Variants in CALD1 observed in about 807,000 individuals in gnomAD.
CALD1 encodes caldesmon 1.
A neutral mutation model predicts 99.9 loss-of-function variants in CALD1; 33 were observed. That is an observed-to-expected ratio of 0.33 (90% CI 0.25 to 0.44). The LOEUF (loss-of-function observed/expected upper bound fraction) is 0.44. Ranked by LOEUF, CALD1 falls within the 20% of genes least tolerant of loss-of-function variation. The pLI is 1.00. For synonymous variants in CALD1, 310 were observed against 325.0 expected, an observed-to-expected ratio of 0.95 and a Z score of 0.50; for missense variants, 861 against 962.1, an observed-to-expected ratio of 0.89 and a Z score of 1.39.
intron 2 of CALD1, among the ~76,000 whole-genome samples, chr7:134,855,185 C>A (rs1032333941): frequency 6.6e-6 from 1 of 152,200 alleles, no homozygotes; most frequent in Non-Finnish European, 1.5e-5. Context: ...GACTAATGCA[C>A]AGTGCAAGGA....
At chr7:134,744,359 T>C (rs1796616403) in exon 1 of CALD1, 1 of 152,062 alleles carries the variant, frequency 6.6e-6, no homozygotes, top group Non-Finnish European at 1.5e-5. Context: ...CAGCTTGAAA[T>C]GCAGGTTGGT....
chr7:134,887,911 G>A (rs757806621), intron 3 of CALD1, among the ~76,000 whole-genome samples: 18 of 152,074 alleles, frequency 1.2e-4, no homozygotes, highest in African/African-American at 1.7e-4. Context: ...TGTCATAAGC[G>A]CATTAGGGCA....
chr7:134,770,326 C>T (rs1796866782), intron 1 of CALD1, among the ~76,000 whole-genome samples: 1 of 152,156 alleles, frequency 6.6e-6, no homozygotes, highest in Admixed American at 6.5e-5. Context: ...GCTGCTATTA[C>T]AAATTACCAC....
intron 2 of CALD1, among the ~76,000 whole-genome samples, chr7:134,844,940 G>A (rs2132173358): frequency 6.6e-6 from 1 of 152,288 alleles, no homozygotes; most frequent in Middle Eastern, 3.4e-3. Context: ...ATCTCCAAAT[G>A]CGGTTACATT....
chr7:134,840,340 G>A (rs1454998596), intron 1 of CALD1, among the ~76,000 whole-genome samples: 1 of 152,140 alleles, frequency 6.6e-6, no homozygotes, highest in African/African-American at 2.4e-5. Flanking sequence ...TGATAGAGTT[G>A]GGAAAGTTCT....
At chr7:134,721,694 C>T in the CALD1 span, among the ~76,000 whole-genome samples, 1 of 152,030 alleles carries the variant, frequency 6.6e-6, no homozygotes, top group Admixed American at 6.6e-5. Context: ...CCAGTTATTC[C>T]ACCCTTCTTG....
chr7:134,764,888 G>A (rs2131607354), intron 1 of CALD1, among the ~76,000 whole-genome samples: 1 of 152,308 alleles, frequency 6.6e-6, no homozygotes, highest in East Asian at 1.9e-4. Flanking sequence ...AGAAGTTTGT[G>A]CAGGGAATTG....
At chr7:134,791,040 C>T (rs1388022924) in intron 1 of CALD1, among the ~76,000 whole-genome samples, 1 of 109,490 alleles carries the variant, frequency 9.1e-6, no homozygotes, top group East Asian at 4.1e-4. Flanking sequence ...TTAGTGTCCA[C>T]TCACCTTCCC....
chr7:134,917,816 A>G (rs999134063), intron 3 of CALD1, among the ~76,000 whole-genome samples: 2 of 152,108 alleles, frequency 1.3e-5, no homozygotes, highest in Admixed American at 1.3e-4. Flanking sequence ...GAGAGGAAGG[A>G]GTTTGGTTAT....
chr7:134,892,763 G>T (rs1391726143), intron 3 of CALD1, among the ~76,000 whole-genome samples: 1 of 152,202 alleles, frequency 6.6e-6, no homozygotes, highest in Non-Finnish European at 1.5e-5. Flanking sequence ...GAACGCTATT[G>T]TATAAAGGAG....
rs565339211 is a variant in CALD1 at position 134,896,166 on chromosome 7, G to C, written c.71+28362G>C. Among the ~76,000 whole-genome samples the C allele has an allele frequency of 4.6e-5, 7 of 152,302 alleles. No individual in the cohort carries two copies. The South Asian group carries it at 1.2e-3, about 27-fold the overall frequency. ...AACAACACAGCAGTAGGGGCCGCCT[G>C]CATCAGGAATAAGAACTCCTGCCCC... is the stretch of plus-strand genomic sequence containing the variant. On this transcript the variant is annotated intron_variant, in intron 3 of 14. Transcript: ENST00000361675.
intron 13 of CALD1, chr7:134,961,391 C>A (rs1808251241): frequency 6.6e-6 from 1 of 152,090 alleles, no homozygotes; most frequent in African/African-American, 2.4e-5. Context: ...TTTGTTGGTG[C>A]CCAAGGGAGC....
At chr7:134,953,673 T>G (rs1807547721) in intron 9 of CALD1, among the ~76,000 whole-genome samples, 1 of 149,318 alleles carries the variant, frequency 6.7e-6, no homozygotes, top group African/African-American at 2.4e-5. Flanking sequence ...TTTTTTGTTT[T>G]TTTTTTTCAG....
Position 134,933,072 on chromosome 7 carries a change from T to C in CALD1, c.303T>C (p.Ala101=), listed in dbSNP as rs778056399. 6.2e-7 allele frequency: 1 copy of C among 1,613,870 alleles called. No homozygotes were observed. The highest frequency in any genetic ancestry group is 8.5e-7 in the Non-Finnish European group (1 of 1,179,978). Residue 101 remains alanine (A), a synonymous_variant, in exon 5 of 15, where the codon GCT becomes GCC. Transcript: ENST00000361675. ...AGGCCGCATTCCTGGAGCGCCTGGC[T>C]CGGCGTGAGGAAAGACGCCAAAAAC... ...DDEAAFLERL[A]RREERRQKRL...
chr7:134,929,568 T>C (rs187280133), intron 4 of CALD1, among the ~76,000 whole-genome samples: 7 of 109,282 alleles, frequency 6.4e-5, no homozygotes, highest in African/African-American at 2.7e-4. Flanking sequence ...GTGAATTCCA[T>C]TATTGTGTTC....
the CALD1 span, among the ~76,000 whole-genome samples, chr7:134,716,271 A>G: frequency 6.6e-6 from 1 of 152,234 alleles, no homozygotes; most frequent in Admixed American, 6.5e-5. Flanking sequence ...CCATCTGTTT[A>G]AACAATGCAA....
intron 1 of CALD1, among the ~76,000 whole-genome samples, chr7:134,799,739 AT>A (rs910938434): frequency 6.6e-6 from 1 of 152,202 alleles, no homozygotes; most frequent in African/African-American, 2.4e-5. Flanking sequence ...ACGTGAAAAA[AT>A]GTACCGTTTG....
At chr7:134,967,415 A>G (rs1306025916) in intron 14 of CALD1, among the ~76,000 whole-genome samples, 5 of 152,186 alleles carry the variant, frequency 3.3e-5, no homozygotes, top group Non-Finnish European at 7.3e-5. Context: ...ACACCCTTGA[A>G]AATTGGAATT....
chr7:134,828,551 CG>C (rs1799096800), intron 1 of CALD1, among the ~76,000 whole-genome samples: 1 of 152,142 alleles, frequency 6.6e-6, no homozygotes, highest in Non-Finnish European at 1.5e-5. Context: ...TGCTTAATCT[CG>C]TGGGTTAGAA....
Sources: allele counts gnomAD v4.1 joint callset (sites outside exome capture counted in the v4.1 genomes callset), GRCh38; gene constraint gnomAD v4.1.1; transcripts MANE v1.5; gene names NCBI Gene and HGNC (gene_info 2026-07-23, HGNC 2026-07-21).